Variants in ERBB4 observed in about 807,000 individuals in gnomAD.
ERBB4 encodes the protein erb-b2 receptor tyrosine kinase 4, also known as receptor tyrosine-protein kinase erbB-4.
A neutral mutation model predicts 158.0 loss-of-function variants in ERBB4; 42 were observed. The ratio of observed to expected loss-of-function variants is 0.27; its 90% CI spans 0.21 to 0.34. The LOEUF (loss-of-function observed/expected upper bound fraction) is 0.34. Ranked by LOEUF, ERBB4 falls within the 10% of genes least tolerant of loss-of-function variation. ERBB4 has a pLI of 1.00. For synonymous variants in ERBB4, 583 were observed against 558.7 expected, an observed-to-expected ratio of 1.04 and a Z score of -0.61; for missense variants, 1,333 against 1,624.1, an observed-to-expected ratio of 0.82 and a Z score of 3.08.
At chr2:212,369,626 C>A (rs1298111082) in intron 1 of ERBB4, among the ~76,000 whole-genome samples, 1 of 151,962 alleles carries the variant, frequency 6.6e-6, no homozygotes, top group Non-Finnish European at 1.5e-5. Flanking sequence ...TTTAATCCAT[C>A]AGAGATTTTG....
At chr2:212,025,549 T>C (rs1384279690) in intron 2 of ERBB4, among the ~76,000 whole-genome samples, 1 of 151,802 alleles carries the variant, frequency 6.6e-6, no homozygotes, top group East Asian at 1.9e-4. Context: ...GTGTGAATAG[T>C]TCATTTGAGC....
At chr2:212,107,313 C>CTT (rs1165854265) in intron 2 of ERBB4, among the ~76,000 whole-genome samples, 1 of 151,500 alleles carries the variant, frequency 6.6e-6, no homozygotes, top group Non-Finnish European at 1.5e-5. Context: ...CAAAGGAGAT[C>CTT]TTTTTTTTTG....
In ERBB4 at chr2:211,719,466, T is replaced by C. The variant is rs531515814; in HGVS notation, c.883+2927A>G. Among the ~76,000 whole-genome samples the C allele has an allele frequency of 4.6e-5, 7 of 152,164 alleles. No homozygotes were observed. The South Asian group carries it at 6.2e-4, about 14-fold the overall frequency. On this transcript the variant is annotated intron_variant, in intron 7 of 27. Transcript: ENST00000342788. ...TGTCTTTAGTACTGTGTTCCAAGCA[T>C]TGACAACAGCATATACAGCATCCTT... is the stretch of plus-strand genomic sequence containing the variant.
chr2:212,095,368 T>C (rs530410456), intron 2 of ERBB4, among the ~76,000 whole-genome samples: 3 of 152,196 alleles, frequency 2.0e-5, no homozygotes, highest in Non-Finnish European at 4.4e-5. Context: ...GAATTCATAA[T>C]AGAGGTGATA....
intron 4 of ERBB4, among the ~76,000 whole-genome samples, chr2:211,754,475 C>T (rs574511959): frequency 6.6e-6 from 1 of 150,376 alleles, no homozygotes; most frequent in Non-Finnish European, 1.5e-5. Flanking sequence ...AATCTTGGCT[C>T]ACTGCAACCT....
rs6725846 is a variant in ERBB4, at chr2:211,623,046, A to T, written c.2202+876T>A. Among the ~76,000 whole-genome samples, 186 of 102,928 alleles carry T rather than the reference A, an allele frequency of 1.8e-3. 1 individual carries two copies. The highest frequency in any genetic ancestry group is 0.012 in the Middle Eastern group (2 of 164). 67.5% of individuals were successfully genotyped at this position (102,928 alleles called of 152,430 possible). ...ATATATATATATATATATATATATAAAATGCCAAAGTAACTTTTGGGAATT... is the reference window on the plus strand; with the variant it reads ...ATATATATATATATATATATATATATAATGCCAAAGTAACTTTTGGGAATT... On this transcript the variant is annotated intron_variant, in intron 18 of 27. Coordinates refer to ENST00000342788, the MANE Select transcript of ERBB4 (RefSeq NM_005235.3).
At chr2:212,087,332 A>G (rs1473289097) in intron 2 of ERBB4, among the ~76,000 whole-genome samples, 1 of 152,062 alleles carries the variant, frequency 6.6e-6, no homozygotes, top group Non-Finnish European at 1.5e-5. Context: ...TTATACTGTG[A>G]TAAGTGGACT....
chr2:211,945,923 G>A (rs567085992), intron 3 of ERBB4, among the ~76,000 whole-genome samples: 33 of 152,082 alleles, frequency 2.2e-4, no homozygotes, highest in African/African-American at 7.2e-4. Flanking sequence ...GGGAAATCAT[G>A]ATGAAAACAC....
intron 3 of ERBB4, among the ~76,000 whole-genome samples, chr2:211,854,682 C>T (rs2077807432): frequency 6.6e-6 from 1 of 152,108 alleles, no homozygotes; most frequent in African/African-American, 2.4e-5. Flanking sequence ...ACTTTCACGA[C>T]TGTATAGTAT....
intron 1 of ERBB4, among the ~76,000 whole-genome samples, chr2:212,318,097 A>C (rs1042074989): frequency 1.3e-5 from 2 of 151,594 alleles, no homozygotes; most frequent in African/African-American, 2.4e-5. Context: ...AGGTAAATTT[A>C]TTATCCCTAG....
intron 2 of ERBB4, among the ~76,000 whole-genome samples, chr2:211,982,123 G>C (rs1357958402): frequency 1.3e-5 from 2 of 151,774 alleles, no homozygotes; most frequent in Non-Finnish European, 2.9e-5. Context: ...CTTCAAGGAA[G>C]ATTTTAATAA....
chr2:212,467,562 G>A (rs1688901278), intron 1 of ERBB4, among the ~76,000 whole-genome samples: 1 of 152,230 alleles, frequency 6.6e-6, no homozygotes, highest in Admixed American at 6.5e-5. Context: ...GTGCACATAA[G>A]TCAAGAATTG....
At chr2:212,365,917 G>C (rs1394798) in intron 1 of ERBB4, among the ~76,000 whole-genome samples, 1 of 151,578 alleles carries the variant, frequency 6.6e-6, no homozygotes, top group Non-Finnish European at 1.5e-5. Context: ...AACCCTCCAC[G>C]ATCAGACCAG....
chr2:211,442,121 C>G (rs1210913570), intron 20 of ERBB4, among the ~76,000 whole-genome samples: 3 of 152,074 alleles, frequency 2.0e-5, no homozygotes, highest in Non-Finnish European at 4.4e-5. Context: ...GAATTCTTCA[C>G]CTTGAACTCT....
chr2:211,524,438 G>A (rs923875355), intron 20 of ERBB4, among the ~76,000 whole-genome samples: 1 of 150,232 alleles, frequency 6.7e-6, no homozygotes, highest in African/African-American at 2.5e-5. Context: ...GGTGGTGCTC[G>A]TCGGGGAGGC....
intron 20 of ERBB4, among the ~76,000 whole-genome samples, chr2:211,496,201 T>G (rs2065464540): frequency 6.6e-6 from 1 of 152,078 alleles, no homozygotes; most frequent in Non-Finnish European, 1.5e-5. Context: ...TTTCTCTTTT[T>G]TATGTAGTCC....
At chr2:212,048,509 G>A (rs897320019) in intron 2 of ERBB4, among the ~76,000 whole-genome samples, 1 of 152,132 alleles carries the variant, frequency 6.6e-6, no homozygotes, top group Non-Finnish European at 1.5e-5. Flanking sequence ...GTTTAGCAGT[G>A]GAAAAGAGAA....
intron 2 of ERBB4, among the ~76,000 whole-genome samples, chr2:212,116,666 T>C (rs2079581733): frequency 6.6e-6 from 1 of 152,126 alleles, no homozygotes; most frequent in African/African-American, 2.4e-5. Context: ...AAACTTTTGG[T>C]CTCAAGCAAT....
At chr2:212,304,833 A>G (rs2086750563) in intron 1 of ERBB4, among the ~76,000 whole-genome samples, 1 of 151,508 alleles carries the variant, frequency 6.6e-6, no homozygotes, top group African/African-American at 2.4e-5. Flanking sequence ...CAGTGTCTAG[A>G]AACCTAATTT....
Sources: gnomAD v4.1 joint callset for allele counts (sites outside exome capture counted in the v4.1 genomes callset) on GRCh38, gnomAD v4.1.1 for gene constraint, MANE v1.5 for transcripts, NCBI Gene and HGNC (gene_info 2026-07-23, HGNC 2026-07-21) for gene names.